TLCD4: variants seen among roughly 807,000 people sequenced by gnomAD.
TLCD4 encodes the protein TLC domain-containing protein 4.
A neutral mutation model predicts 24.2 loss-of-function variants in TLCD4; 7 were observed. That is an observed-to-expected ratio of 0.29 (90% CI 0.16 to 0.54). The LOEUF (loss-of-function observed/expected upper bound fraction) is 0.54. Ranked by LOEUF, TLCD4 falls within the 20% of genes least tolerant of loss-of-function variation. TLCD4 has a pLI of 0.95. For synonymous variants in TLCD4, 103 were observed against 106.4 expected, an observed-to-expected ratio of 0.97 and a Z score of 0.20; for missense variants, 259 against 313.9, an observed-to-expected ratio of 0.82 and a Z score of 1.32.
chr1:95,190,739 T>C (rs1678998979), intron 6 of TLCD4, among the ~76,000 whole-genome samples: 1 of 152,328 alleles, frequency 6.6e-6, no homozygotes, highest in East Asian at 1.9e-4. Flanking sequence ...ATGACAATAG[T>C]GAACATCTTT....
At chr1:95,113,077 C>T (rs1218267437), upstream of TLCD4, among the ~76,000 whole-genome samples, 7 of 145,740 alleles carry the variant, frequency 4.8e-5, no homozygotes, top group African/African-American at 1.8e-4. Context: ...GAGTCTTGCT[C>T]TGTCGCCCAG....
At chr1:95,102,985 A>ATT in the TLCD4 span, among the ~76,000 whole-genome samples, 14 of 149,562 alleles carry the variant, frequency 9.4e-5, no homozygotes, top group South Asian at 2.1e-4. Context: ...TAAAAAAAAA[A>ATT]TTTTTTTTTT....
At chr1:95,095,609 G>C in the TLCD4 span, among the ~76,000 whole-genome samples, 1 of 152,254 alleles carries the variant, frequency 6.6e-6, no homozygotes, top group African/African-American at 2.4e-5. Context: ...GTGTTAGCCA[G>C]GATGGTTTCA....
chr1:95,196,159 A>T lies in TLCD4; in HGVS notation c.*4291A>T, dbSNP rs957193045. ...AATAATGTTATGGTTTTATTAAGAGATCTGTCATCTCTGTTTTTCTTAAAC... is the reference window on the plus strand; with the variant it reads ...AATAATGTTATGGTTTTATTAAGAGTTCTGTCATCTCTGTTTTTCTTAAAC... On this transcript the variant is annotated 3_prime_UTR_variant, in exon 7 of 7. Coordinates refer to ENST00000370203, the MANE Select transcript of TLCD4 (RefSeq NM_152487.3). The T allele has an allele frequency of 1.3e-5, 2 of 152,216 alleles. No homozygotes were observed. Among genetic ancestry groups the T allele is most frequent in the African/African-American group, 4.8e-5 (2 of 41,456 alleles). 9.4% of individuals were successfully genotyped at this position (152,216 alleles called of 1,614,324 possible).
intron 1 of TLCD4, among the ~76,000 whole-genome samples, chr1:95,118,668 G>T (rs1676495253): frequency 1.3e-5 from 2 of 152,184 alleles, no homozygotes; most frequent in African/African-American, 4.8e-5. Flanking sequence ...CCGTGCCAGC[G>T]CATGGTGTCG....
At chr1:95,176,381 G>A (rs147354125) in intron 6 of TLCD4, among the ~76,000 whole-genome samples, 77 of 151,746 alleles carry the variant, frequency 5.1e-4, no homozygotes, top group African/African-American at 1.9e-3. Flanking sequence ...CGTAGAAATG[G>A]GGTTTTGCCA....
chr1:95,176,045 G>C (rs772248086), intron 6 of TLCD4, among the ~76,000 whole-genome samples: 3 of 151,840 alleles, frequency 2.0e-5, no homozygotes, highest in Non-Finnish European at 4.4e-5. Context: ...CAAAATTCTG[G>C]GATTACAGGT....
intron 1 of TLCD4, among the ~76,000 whole-genome samples, chr1:95,141,381 A>G (rs76993077): frequency 0.012 from 1,823 of 152,272 alleles, 23 homozygotes; most frequent in Non-Finnish European, 0.02. Context: ...ATTGAATTTT[A>G]ACAAACTAAA....
At chr1:95,178,024 C>A (rs912697188) in intron 6 of TLCD4, among the ~76,000 whole-genome samples, 2 of 149,010 alleles carry the variant, frequency 1.3e-5, no homozygotes, top group Non-Finnish European at 1.5e-5. Flanking sequence ...GATCTTGGCT[C>A]ACTGCAACCT....
At chr1:95,176,164 G>T (rs1402910646) in intron 6 of TLCD4, among the ~76,000 whole-genome samples, 2 of 151,198 alleles carry the variant, frequency 1.3e-5, no homozygotes, top group African/African-American at 2.4e-5. Flanking sequence ...TATCTTTAAA[G>T]AATTGCCTGT....
At chr1:95,164,560 C>T (rs1162474834) in intron 5 of TLCD4, 1 of 152,286 alleles carries the variant, frequency 6.6e-6, no homozygotes, top group Non-Finnish European at 1.5e-5. Context: ...GCAGAAGTCA[C>T]CCGTCTTCTG....
At chr1:95,118,793 T>G (rs1676499263) in intron 1 of TLCD4, among the ~76,000 whole-genome samples, 1 of 152,206 alleles carries the variant, frequency 6.6e-6, no homozygotes, top group South Asian at 2.1e-4. Flanking sequence ...ATCTTTTCCT[T>G]AAATTGGGCG....
At chr1:95,173,319 T>TG (rs1158992420) in intron 5 of TLCD4, among the ~76,000 whole-genome samples, 1 of 151,962 alleles carries the variant, frequency 6.6e-6, no homozygotes, top group Non-Finnish European at 1.5e-5. Context: ...TCATTCTTTT[T>TG]TTTTTTTTGA....
chr1:95,113,726 T>C (rs191714651), upstream of TLCD4, among the ~76,000 whole-genome samples: 1 of 152,186 alleles, frequency 6.6e-6, no homozygotes, highest in East Asian at 1.9e-4. Context: ...TCACATATAA[T>C]AAAATGCGCA....
intron 1 of TLCD4, among the ~76,000 whole-genome samples, chr1:95,136,641 T>C (rs1677049822): frequency 6.6e-6 from 1 of 152,236 alleles, no homozygotes. Flanking sequence ...AGCTAGCTCT[T>C]GGGCTCACTA....
At chr1:95,186,425 G>A (rs1678833458) in intron 6 of TLCD4, among the ~76,000 whole-genome samples, 1 of 152,192 alleles carries the variant, frequency 6.6e-6, no homozygotes, top group South Asian at 2.1e-4. Context: ...GGGTGCTGAT[G>A]TGTGTTCTGA....
chr1:95,098,102 A>T, the TLCD4 span, among the ~76,000 whole-genome samples: 5 of 152,278 alleles, frequency 3.3e-5, no homozygotes, highest in African/African-American at 1.2e-4. Context: ...TATATAGCAC[A>T]ATGATCTGTG....
intron 6 of TLCD4, among the ~76,000 whole-genome samples, chr1:95,183,194 A>C (rs1355354620): frequency 6.6e-6 from 1 of 152,236 alleles, no homozygotes; most frequent in East Asian, 1.9e-4. Context: ...TCCGAAAGTA[A>C]ATAAGAGTCC....
the TLCD4 span, among the ~76,000 whole-genome samples, chr1:95,112,097 C>T: frequency 2.4e-4 from 37 of 152,200 alleles, no homozygotes; most frequent in South Asian, 5.0e-3. Context: ...TATTGTATGA[C>T]GGTTAGCAGC....
Sources: gnomAD v4.1 joint callset for allele counts (sites outside exome capture counted in the v4.1 genomes callset) on GRCh38, gnomAD v4.1.1 for gene constraint, MANE v1.5 for transcripts, NCBI Gene and HGNC (gene_info 2026-07-23, HGNC 2026-07-21) for gene names.